Variants in NAALADL2 observed in about 807,000 individuals in gnomAD.
NAALADL2 encodes inactive N-acetylated-alpha-linked acidic dipeptidase-like protein 2.
In NAALADL2, 76 loss-of-function variants were observed where a neutral mutation model predicts 87.2. The observed-to-expected ratio is 0.87, with a 90% CI of 0.72 to 1.05. The LOEUF is 1.05. Among genes scored for constraint, NAALADL2 ranks in the 50% least tolerant of loss-of-function variants. The pLI is 0.00. For synonymous variants in NAALADL2, 354 were observed against 331.0 expected (o/e 1.07, Z -0.75); for missense variants, 1,089 against 945.8 (o/e 1.15, Z -1.99).
chr3:175,714,643 G>A (rs1291421656), intron 11 of NAALADL2, among the ~76,000 whole-genome samples: 1 of 152,146 alleles, frequency 6.6e-6, no homozygotes, highest in African/African-American at 2.4e-5. Context: ...TTTGTCAGAT[G>A]AGTAGATTGC....
At chr3:175,785,221 T>C (rs866133001) in intron 13 of NAALADL2, among the ~76,000 whole-genome samples, 10,575 of 144,176 alleles carry the variant, frequency 0.073, 1,317 homozygotes, top group African/African-American at 0.28. Context: ...CTATTAGGTC[T>C]GCTTGGTGCA....
At chr3:174,745,014 A>G (rs1359904520) in intron 3 of NAALADL2, among the ~76,000 whole-genome samples, 1 of 152,126 alleles carries the variant, frequency 6.6e-6, no homozygotes, top group African/African-American at 2.4e-5. Context: ...TCAAATCGCC[A>G]TCCTAACATC....
intron 3 of NAALADL2, among the ~76,000 whole-genome samples, chr3:174,767,879 T>C (rs1560208366): frequency 6.6e-6 from 1 of 152,198 alleles, no homozygotes; most frequent in Non-Finnish European, 1.5e-5. Context: ...TTCCATTGAA[T>C]GCGAAGTACA....
At chr3:175,527,068 A>G (rs919355779) in intron 9 of NAALADL2, among the ~76,000 whole-genome samples, 2 of 152,106 alleles carry the variant, frequency 1.3e-5, no homozygotes, top group Non-Finnish European at 1.5e-5. Context: ...AGGGCTTGTC[A>G]TCTGAGCCCC....
intron 9 of NAALADL2, among the ~76,000 whole-genome samples, chr3:175,481,417 G>T (rs1431385034): frequency 6.6e-6 from 1 of 151,080 alleles, no homozygotes; most frequent in East Asian, 1.9e-4. Flanking sequence ...GAAGCTTGGG[G>T]AACAAAAAGC....
intron 3 of NAALADL2, among the ~76,000 whole-genome samples, chr3:174,786,183 A>G (rs1578921332): frequency 6.6e-6 from 1 of 152,076 alleles, no homozygotes; most frequent in Non-Finnish European, 1.5e-5. Flanking sequence ...AGGCATGGTG[A>G]CTCACGCCTG....
At chr3:174,817,753 A>G (rs748391367) in intron 3 of NAALADL2, among the ~76,000 whole-genome samples, 4 of 152,206 alleles carry the variant, frequency 2.6e-5, no homozygotes, top group Non-Finnish European at 4.4e-5. Context: ...TAAGGTTTTA[A>G]TCTTACAAGC....
chr3:175,370,602 C>T (rs1766351911), intron 5 of NAALADL2, among the ~76,000 whole-genome samples: 3 of 152,104 alleles, frequency 2.0e-5, no homozygotes, highest in Admixed American at 2.0e-4. Context: ...TTAAGCTCTG[C>T]TCTGCTGCTG....
At chr3:175,408,729 C>T (rs1008546503) in intron 5 of NAALADL2, among the ~76,000 whole-genome samples, 1 of 151,876 alleles carries the variant, frequency 6.6e-6, no homozygotes, top group African/African-American at 2.4e-5. Flanking sequence ...CTTTAATGAC[C>T]TTGTATTGTC....
intron 4 of NAALADL2, among the ~76,000 whole-genome samples, chr3:175,293,922 T>C (rs1755980768): frequency 6.6e-6 from 1 of 152,238 alleles, no homozygotes; most frequent in Non-Finnish European, 1.5e-5. Flanking sequence ...GAGTTAGACT[T>C]ACTTGGCCTT....
At chr3:174,667,930 T>A (rs1317382334) in intron 2 of NAALADL2, among the ~76,000 whole-genome samples, 1 of 152,086 alleles carries the variant, frequency 6.6e-6, no homozygotes, top group African/African-American at 2.4e-5. Flanking sequence ...TTTTACTTTT[T>A]TGAGAAATCT....
rs984577222 is a variant in NAALADL2, at chr3:175,806,676, T to G, written c.*3473T>G. On this transcript the variant is annotated 3_prime_UTR_variant, in exon 14 of 14. Transcript: ENST00000454872. ...ATCCCAGGCACTGGTGTTTTAGAAT[T>G]TTTCCCATGTATCCTTTTTTTTTTT... 1.4e-5 allele frequency: 2 copies of G among 147,896 alleles called. No homozygotes were observed. The highest frequency in any genetic ancestry group is 3.0e-5 in the Non-Finnish European group (2 of 67,334). The allele number at this position is 147,896 out of a possible 1,614,324, so 9.2% of individuals were successfully genotyped here.
At chr3:174,995,829 T>C (rs1007631454) in intron 1 of NAALADL2, among the ~76,000 whole-genome samples, 2 of 151,966 alleles carry the variant, frequency 1.3e-5, no homozygotes, top group African/African-American at 4.8e-5. Flanking sequence ...TTCAGTGATT[T>C]ATTCCAAAAA....
chr3:175,200,637 G>A (rs746054562), intron 2 of NAALADL2, among the ~76,000 whole-genome samples: 10 of 152,160 alleles, frequency 6.6e-5, no homozygotes, highest in Non-Finnish European at 1.3e-4. Flanking sequence ...CACATCCAGT[G>A]AGACATGAAA....
chr3:174,903,461 A>T (rs559279693), intron 1 of NAALADL2, among the ~76,000 whole-genome samples: 23 of 152,084 alleles, frequency 1.5e-4, no homozygotes, highest in Non-Finnish European at 3.4e-4. Context: ...GTGATAGGTT[A>T]GTGAACCAAT....
chr3:175,027,454 A>G (rs1021184361), intron 1 of NAALADL2, among the ~76,000 whole-genome samples: 1 of 152,148 alleles, frequency 6.6e-6, no homozygotes, highest in South Asian at 2.1e-4. Flanking sequence ...ACCATAGTAC[A>G]TAACGGTATG....
intron 1 of NAALADL2, among the ~76,000 whole-genome samples, chr3:174,937,319 C>G (rs1737848715): frequency 6.6e-6 from 1 of 152,028 alleles, no homozygotes; most frequent in Middle Eastern, 3.4e-3. Flanking sequence ...TGAAACAGTA[C>G]CATAACAGGG....
At chr3:174,643,338 C>G (rs1265383343) in intron 2 of NAALADL2, among the ~76,000 whole-genome samples, 1 of 152,018 alleles carries the variant, frequency 6.6e-6, no homozygotes, top group Non-Finnish European at 1.5e-5. Context: ...AGAATGACTA[C>G]AGTATATTGA....
intron 5 of NAALADL2, among the ~76,000 whole-genome samples, chr3:175,433,702 T>C (rs957022464): frequency 3.9e-5 from 6 of 152,072 alleles, no homozygotes; most frequent in African/African-American, 1.4e-4. Context: ...GCCTTTTTTT[T>C]TCTCTTTTGG....
Sources: allele counts gnomAD v4.1 joint callset (sites outside exome capture counted in the v4.1 genomes callset), GRCh38; gene constraint gnomAD v4.1.1; transcripts MANE v1.5; gene names NCBI Gene and HGNC (gene_info 2026-07-23, HGNC 2026-07-21).